ATP8A2: variants seen among roughly 807,000 people sequenced by gnomAD.
ATP8A2 encodes the protein phospholipid-transporting ATPase IB.
A neutral mutation model predicts 165.6 loss-of-function variants in ATP8A2; 100 were observed. The ratio of observed to expected loss-of-function variants is 0.60; its 90% CI spans 0.51 to 0.71. The LOEUF (loss-of-function observed/expected upper bound fraction) is 0.71, where lower values mean the gene tolerates loss of function less well. Among genes scored for constraint, ATP8A2 ranks in the 30% least tolerant of loss-of-function variants. The pLI is 0.00. For missense variants in ATP8A2, 1,227 were observed against 1,479.5 expected, an observed-to-expected ratio of 0.83 and a Z score of 2.80; for synonymous variants, 543 against 548.8, an observed-to-expected ratio of 0.99 and a Z score of 0.15.
intron 2 of ATP8A2, among the ~76,000 whole-genome samples, chr13:25,489,298 A>T (rs921127611): frequency 1.3e-5 from 2 of 151,748 alleles, no homozygotes; most frequent in Non-Finnish European, 2.9e-5. Context: ...GCCTTTAATC[A>T]CGGCACTTTC....
rs191626577 is a variant in ATP8A2 at position 25,879,564 on chromosome 13, A to G, written c.3183+17156A>G. ...AAGACCCAACCCTAGCACTGCCACC[A>G]CTGGATGTGCACCTCTGCTGGCGAT... On this transcript the variant is annotated intron_variant, in intron 33 of 36. Coordinates refer to ENST00000381655, the MANE Select transcript of ATP8A2 (RefSeq NM_016529.6). 1.0e-3 allele frequency among the ~76,000 whole-genome samples: 154 copies of G among 152,318 alleles called. 1 individual carries two copies. The highest frequency in any genetic ancestry group is 6.7e-3 in the Admixed American group (103 of 15,296).
At chr13:25,558,664 T>C (rs1029917147) in intron 13 of ATP8A2, among the ~76,000 whole-genome samples, 1 of 152,132 alleles carries the variant, frequency 6.6e-6, no homozygotes, top group East Asian at 1.9e-4. Flanking sequence ...ATCCATGACA[T>C]AATTTCTCAA....
chr13:25,379,752 C>T (rs1045790842), intron 1 of ATP8A2, among the ~76,000 whole-genome samples: 4 of 152,134 alleles, frequency 2.6e-5, no homozygotes, highest in South Asian at 2.1e-4. Context: ...GATAGTGTGC[C>T]GTTTCTGCTA....
chr13:25,520,871 C>T (rs573098829), intron 2 of ATP8A2, among the ~76,000 whole-genome samples: 80 of 152,284 alleles, frequency 5.3e-4, no homozygotes, highest in African/African-American at 1.8e-3. Flanking sequence ...GCCTTGGCCT[C>T]CCAAAGTGTT....
At position 25,750,729 on chromosome 13, in the gene ATP8A2, A is replaced by G. The variant is rs1052330323; in HGVS notation, c.2385-18317A>G. 5.3e-5 allele frequency among the ~76,000 whole-genome samples: 8 copies of G among 152,194 alleles called. No individual in the cohort carries two copies. On this transcript the variant is annotated intron_variant, in intron 25 of 36. Coordinates refer to ENST00000381655, the MANE Select transcript of ATP8A2 (RefSeq NM_016529.6). This position sits in a 1 kb window ranked among gnomAD's most constrained non-coding sequence, Gnocchi z 4.3. ...GAGTTTATACGAGCACATGGGCATC[A>G]AAAAGCTTGCGAAGAAAAGTCCTCT...
Position 25,588,933 on chromosome 13 carries a change from G to A in ATP8A2, c.2147-702G>A, listed in dbSNP as rs150094567. 2.7e-3 allele frequency among the ~76,000 whole-genome samples: 409 copies of A among 152,252 alleles called. 2 individuals carry two copies. The highest frequency in any genetic ancestry group is 9.3e-3 in the African/African-American group (388 of 41,556). ...GAGGCGCTCGGCTTGGTCCATGACT[G>A]CTCACCCAGGGCAAAGTATGAGTAG... On this transcript the variant is annotated intron_variant, in intron 23 of 36. Transcript: ENST00000381655.
chr13:25,825,462 T>C (rs981146227), intron 27 of ATP8A2, among the ~76,000 whole-genome samples: 1 of 152,044 alleles, frequency 6.6e-6, no homozygotes, highest in African/African-American at 2.4e-5. Context: ...CCCAGGCTCT[T>C]TTCTATTTTT....
chr13:25,676,210 C>T (rs570991475), intron 24 of ATP8A2, among the ~76,000 whole-genome samples: 1 of 152,286 alleles, frequency 6.6e-6, no homozygotes, highest in South Asian at 2.1e-4. Context: ...GAATATGTTT[C>T]TGACTTGACA....
At chr13:25,547,124 C>T (rs530631532) in intron 10 of ATP8A2, among the ~76,000 whole-genome samples, 10 of 151,474 alleles carry the variant, frequency 6.6e-5, no homozygotes, top group East Asian at 1.9e-4. Flanking sequence ...AGCCAGGCTC[C>T]GTCTCGAAAT....
intron 2 of ATP8A2, among the ~76,000 whole-genome samples, chr13:25,507,219 T>TTGTGTGTGTGTG (rs560460756): frequency 3.9e-5 from 5 of 127,008 alleles, no homozygotes; most frequent in African/African-American, 1.5e-4. Flanking sequence ...GTACCATTCT[T>TTGTGTGTGTGTG]TGTGTGTGTG....
chr13:25,771,633 T>C (rs757639461), intron 26 of ATP8A2, among the ~76,000 whole-genome samples: 1 of 152,150 alleles, frequency 6.6e-6, no homozygotes, highest in Admixed American at 6.6e-5. Context: ...TAAAACGCCA[T>C]TGGGGGTTTT....
At chr13:26,010,072 A>G (rs1236597476) in intron 35 of ATP8A2, among the ~76,000 whole-genome samples, 4 of 152,184 alleles carry the variant, frequency 2.6e-5, no homozygotes, top group African/African-American at 9.7e-5. Flanking sequence ...CTCAAAAACA[A>G]AAAGAAAAAA....
rs529433784 is a variant in ATP8A2, at chr13:25,730,456, A to T, written c.2384+31111A>T. On this transcript the variant is annotated intron_variant, in intron 25 of 36. Coordinates refer to ENST00000381655, the MANE Select transcript of ATP8A2 (RefSeq NM_016529.6). ...TTTCTATTACACTGGTCCTGCTTTT[A>T]CCTCTGGTGTCTAAAATGTAATAAA... Among the ~76,000 whole-genome samples the T allele has an allele frequency of 2.6e-5, 4 of 152,200 alleles. No homozygotes were observed. The South Asian group carries it at 8.3e-4, about 32-fold the overall frequency.
intron 1 of ATP8A2, among the ~76,000 whole-genome samples, chr13:25,413,773 C>G (rs544197372): frequency 2.6e-5 from 4 of 152,310 alleles, no homozygotes; most frequent in Admixed American, 2.0e-4. Context: ...TCCCTGGAGT[C>G]TGTCTTCCAT....
At position 25,762,225 on chromosome 13, in the gene ATP8A2, T is replaced by G. The variant is rs938620447; in HGVS notation, c.2385-6821T>G. Among the ~76,000 whole-genome samples, 17 of 122,162 alleles carry G rather than the reference T, an allele frequency of 1.4e-4. No individual in the cohort carries two copies. In the East Asian group the frequency reaches 4.0e-3, roughly 29 times the overall value. 80.1% of individuals were successfully genotyped at this position (122,162 alleles called of 152,430 possible). On this transcript the variant is annotated intron_variant, in intron 25 of 36. Coordinates refer to ENST00000381655, the MANE Select transcript of ATP8A2 (RefSeq NM_016529.6). ...CGGAGGTTGCAGTGAGCCAAGATCA[T>G]TCCATTGCACTCCAGCCTGGGTGAT... is the stretch of plus-strand genomic sequence containing the variant.
At chr13:25,602,772 C>T (rs2040420298) in intron 24 of ATP8A2, among the ~76,000 whole-genome samples, 1 of 152,060 alleles carries the variant, frequency 6.6e-6, no homozygotes, top group African/African-American at 2.4e-5. Flanking sequence ...TCTGATTTAC[C>T]TTTTAAAAGG....
At chr13:25,480,637 T>C (rs1412236532) in intron 2 of ATP8A2, among the ~76,000 whole-genome samples, 2 of 146,544 alleles carry the variant, frequency 1.4e-5, no homozygotes, top group African/African-American at 2.6e-5. Flanking sequence ...CTAGATGGGA[T>C]GGCGGCCGGG....
Position 25,545,506 on chromosome 13 carries a change from C to CAA in ATP8A2, c.891+2114_891+2115dup, listed in dbSNP as rs758088158. On this transcript the variant is annotated intron_variant, in intron 10 of 36. Coordinates refer to ENST00000381655, the MANE Select transcript of ATP8A2 (RefSeq NM_016529.6). Reference sequence around the variant, plus strand: ...TGGGTGACATAGTGAGACCCCATTTCAAAAAAAAAAATAGTTTAGTACCCT... The same window carrying CAA: ...TGGGTGACATAGTGAGACCCCATTTCAAAAAAAAAAAAATAGTTTAGTACCCT... Among the ~76,000 whole-genome samples the CAA allele has an allele frequency of 1.3e-3, 182 of 145,286 alleles. 1 individual carries two copies. Among genetic ancestry groups the CAA allele is most frequent in the African/African-American group, 3.7e-3 (149 of 39,858 alleles).
chr13:25,412,377 G>T (rs2033992712), intron 1 of ATP8A2, among the ~76,000 whole-genome samples: 1 of 152,188 alleles, frequency 6.6e-6, no homozygotes. Context: ...GGGGACTGGA[G>T]GCTAAAGGGA....
Sources: allele counts gnomAD v4.1 joint callset (sites outside exome capture counted in the v4.1 genomes callset), GRCh38; gene constraint gnomAD v4.1.1; non-coding constraint Gnocchi (gnomAD v3.1); transcripts MANE v1.5; gene names NCBI Gene and HGNC (gene_info 2026-07-23, HGNC 2026-07-21).